The following RARRES1 variants were observed in gnomAD, a reference collection of about 807,000 sequenced individuals.
RARRES1 encodes retinoic acid receptor responder protein 1.
RARRES1 carries 34 observed loss-of-function variants against 30.6 expected under a neutral mutation model. That is an observed-to-expected ratio of 1.11 (90% CI 0.84 to 1.48). The LOEUF (loss-of-function observed/expected upper bound fraction) is 1.48, where lower values mean the gene tolerates loss of function less well. Among genes scored for constraint, RARRES1 ranks in the 40% most tolerant of loss-of-function variants. The probability of loss-of-function intolerance (pLI) is 0.00; values close to 1 mark genes in which losing one functional copy is unlikely to be tolerated. For missense variants in RARRES1, 373 were observed against 386.5 expected, an observed-to-expected ratio of 0.97 and a Z score of 0.29; for synonymous variants, 153 against 155.5, an observed-to-expected ratio of 0.98 and a Z score of 0.12.
At chr3:158,730,982 C>T (rs1415076202) in intron 1 of RARRES1, among the ~76,000 whole-genome samples, 1 of 151,920 alleles carries the variant, frequency 6.6e-6, no homozygotes, top group East Asian at 1.9e-4. Context: ...AGGGTTTCTC[C>T]ATGTTGGTCA....
At chr3:158,700,219 GTGTGTA>G (rs1431875470) in intron 4 of RARRES1, among the ~76,000 whole-genome samples, 1 of 150,698 alleles carries the variant, frequency 6.6e-6, no homozygotes, top group Admixed American at 6.6e-5. Context: ...GTGTGTGTGT[GTGTGTA>G]TATATATATA....
intron 2 of RARRES1, among the ~76,000 whole-genome samples, chr3:158,711,478 C>T (rs1170895362): frequency 6.6e-6 from 1 of 152,154 alleles, no homozygotes; most frequent in African/African-American, 2.4e-5. Flanking sequence ...GAAGCCCAGG[C>T]TCTCTGTACT....
intron 1 of RARRES1, among the ~76,000 whole-genome samples, chr3:158,729,955 C>T (rs73015644): frequency 0.17 from 25,151 of 152,030 alleles, 2,283 homozygotes; most frequent in Middle Eastern, 0.23. Flanking sequence ...TCTCAAGGTC[C>T]GTTATCTCAC....
rs1576829319 is a variant in RARRES1 at position 158,732,237 on chromosome 3, T to C, written c.179A>G (p.Gln60Arg). ...QDAGVPRRLLQQAARAALHFF... is the reference protein window; with the variant it reads ...QDAGVPRRLLRQAARAALHFF... ...GTGAAGCGCCGCGCGCGCCGCCTGC[T>C]GCAGGAGCCTGCGCGGGACCCCAGC... is the stretch of plus-strand genomic sequence containing the variant. Residue 60 changes from glutamine (Q) to arginine (R), a missense_variant, in exon 1 of 6, where the codon CAG (glutamine) becomes CGG (arginine). Coordinates refer to ENST00000237696, the MANE Select transcript of RARRES1 (RefSeq NM_206963.2). 1.4e-6 allele frequency: 2 copies of C among 1,390,466 alleles called. No individual in the cohort carries two copies. Among genetic ancestry groups the C allele is most frequent in the East Asian group, 6.2e-5 (2 of 32,228 alleles). 86.1% of individuals were successfully genotyped at this position (1,390,466 alleles called of 1,614,324 possible). A position where few individuals can be genotyped will look rare whatever the true frequency, so the allele number is the denominator to read the frequency against.
At position 158,697,599 on chromosome 3, in the gene RARRES1, C is replaced by T; in HGVS notation, c.*79G>A. The T allele has an allele frequency of 2.1e-6, 3 of 1,397,442 alleles. No homozygotes were observed. The South Asian group carries it at 4.0e-5, about 18-fold the overall frequency. The allele number at this position is 1,397,442 out of a possible 1,614,324, so 86.6% of individuals were successfully genotyped here. A position where few individuals can be genotyped will look rare whatever the true frequency, so the allele number is the denominator to read the frequency against. On this transcript the variant is annotated 3_prime_UTR_variant, in exon 6 of 6. Transcript: ENST00000237696. The stretch of plus-strand genomic sequence containing the variant: ...TCCCAAATTATTAGAATGTCTATAC[C>T]TTAGCTGTTTTACTAGAAGAATGAT...
At chr3:158,729,038 AAGCATTCAATACATAGCTAATGGATGAAC>A (rs1382708241) in intron 1 of RARRES1, among the ~76,000 whole-genome samples, 1 of 152,130 alleles carries the variant, frequency 6.6e-6, no homozygotes, top group African/African-American at 2.4e-5. Flanking sequence ...GGCACAGAGT[AAGCATTCAATACATAGCTAATGGATGAAC>A]AGACTACCCC....
chr3:158,701,685 T>G (rs1209060073), intron 4 of RARRES1, among the ~76,000 whole-genome samples: 6 of 152,210 alleles, frequency 3.9e-5, no homozygotes, highest in Admixed American at 3.9e-4. Context: ...CTTGTGTTGC[T>G]TCTTTTGATG....
At chr3:158,710,374 AT>A (rs1428763245) in intron 3 of RARRES1, among the ~76,000 whole-genome samples, 3 of 151,812 alleles carry the variant, frequency 2.0e-5, no homozygotes, top group Non-Finnish European at 4.4e-5. Context: ...CGCCTGGCTA[AT>A]TTTTTCTATT....
intron 4 of RARRES1, among the ~76,000 whole-genome samples, chr3:158,704,240 TTTTTG>T (rs1726835343): frequency 1.3e-5 from 1 of 79,398 alleles, no homozygotes; most frequent in Non-Finnish European, 2.5e-5. Flanking sequence ...TTTTTTTTTT[TTTTTG>T]AGACAGAGAT....
At chr3:158,704,630 C>T (rs1156963829) in intron 4 of RARRES1, 161 bp downstream of exon 4, 2 of 1,168,404 alleles carry the variant, frequency 1.7e-6, no homozygotes, top group East Asian at 2.6e-5. Context: ...ATCCCCAGCC[C>T]CTGAAACAAT....
chr3:158,708,952 T>A (rs1373872703), intron 3 of RARRES1, among the ~76,000 whole-genome samples: 2 of 152,174 alleles, frequency 1.3e-5, no homozygotes, highest in African/African-American at 2.4e-5. Context: ...CCACCGCGCC[T>A]GGCCCCCCTG....
At chr3:158,707,031 T>C (rs911666099) in intron 3 of RARRES1, among the ~76,000 whole-genome samples, 1 of 152,024 alleles carries the variant, frequency 6.6e-6, no homozygotes, top group Non-Finnish European at 1.5e-5. Flanking sequence ...TAGCTGGGTG[T>C]GGTGGCACAC....
At chr3:158,719,713 C>G (rs532849549) in intron 1 of RARRES1, among the ~76,000 whole-genome samples, 2 of 152,206 alleles carry the variant, frequency 1.3e-5, no homozygotes, top group African/African-American at 4.8e-5. Context: ...AGTGACTGAT[C>G]AGCACTTTGA....
At chr3:158,719,288 T>TTTG (rs1727422962) in intron 1 of RARRES1, among the ~76,000 whole-genome samples, 2 of 114,430 alleles carry the variant, frequency 1.7e-5, no homozygotes, top group African/African-American at 6.7e-5. Context: ...TTTTTTTTTT[T>TTTG]TGAGACAGAG....
At chr3:158,707,763 A>G (rs573284740) in intron 3 of RARRES1, among the ~76,000 whole-genome samples, 2 of 152,358 alleles carry the variant, frequency 1.3e-5, no homozygotes, top group East Asian at 3.8e-4. Flanking sequence ...AATCTTTTAG[A>G]AGAAAATACC....
rs529985186 is a variant in RARRES1, at chr3:158,718,647, A to C, written c.277-4788T>G. Among the ~76,000 whole-genome samples the C allele has an allele frequency of 4.2e-3, 643 of 152,242 alleles. 4 individuals carry two copies. The highest frequency in any genetic ancestry group is 0.015 in the African/African-American group (612 of 41,544). ...ATGACCTAGAAATACCACTCTGGGCATGCATCCCAGAGAAATAGTGATGGA... is the reference window on the plus strand; with the variant it reads ...ATGACCTAGAAATACCACTCTGGGCCTGCATCCCAGAGAAATAGTGATGGA... On this transcript the variant is annotated intron_variant, in intron 1 of 5. Coordinates refer to ENST00000237696, the MANE Select transcript of RARRES1 (RefSeq NM_206963.2).
intron 1 of RARRES1, among the ~76,000 whole-genome samples, chr3:158,722,360 T>A (rs1224794718): frequency 6.6e-6 from 1 of 152,202 alleles, no homozygotes; most frequent in Non-Finnish European, 1.5e-5. Flanking sequence ...TTCCAGTAGG[T>A]GTCTGCACTA....
intron 1 of RARRES1, among the ~76,000 whole-genome samples, chr3:158,722,489 TAA>T (rs1727546861): frequency 6.6e-6 from 1 of 152,176 alleles, no homozygotes; most frequent in African/African-American, 2.4e-5. Context: ...AAAGATTGGG[TAA>T]AGTCATTGAA....
intron 1 of RARRES1, among the ~76,000 whole-genome samples, chr3:158,717,820 ATGC>A (rs1275516040): frequency 2.0e-5 from 3 of 152,230 alleles, no homozygotes; most frequent in Non-Finnish European, 4.4e-5. Flanking sequence ...TGGACCAAGT[ATGC>A]CAGGTTGCCC....
Sources: gnomAD v4.1 joint callset for allele counts (sites outside exome capture counted in the v4.1 genomes callset) on GRCh38, gnomAD v4.1.1 for gene constraint, MANE v1.5 for transcripts, NCBI Gene and HGNC (gene_info 2026-07-23, HGNC 2026-07-21) for gene names.